FTO: variants seen among roughly 807,000 people sequenced by gnomAD.
FTO encodes alpha-ketoglutarate-dependent dioxygenase FTO.
A neutral mutation model predicts 63.9 loss-of-function variants in FTO; 47 were observed. The observed-to-expected ratio is 0.74, with a 90% CI of 0.58 to 0.94. The LOEUF (loss-of-function observed/expected upper bound fraction) is 0.94. Among genes scored for constraint, FTO ranks in the 40% least tolerant of loss-of-function variants. The pLI is 0.00. For synonymous variants in FTO, 207 were observed against 224.4 expected, an observed-to-expected ratio of 0.92 and a Z score of 0.69; for missense variants, 562 against 618.1, an observed-to-expected ratio of 0.91 and a Z score of 0.96.
intron 8 of FTO, among the ~76,000 whole-genome samples, chr16:54,014,407 CTT>C (rs1327923504): frequency 1.3e-5 from 2 of 152,038 alleles, no homozygotes; most frequent in Non-Finnish European, 2.9e-5. Flanking sequence ...CTCTCTCTCT[CTT>C]GCTTCCTTTC....
At chr16:54,033,811 G>C (rs1375500255) in intron 8 of FTO, among the ~76,000 whole-genome samples, 2 of 152,034 alleles carry the variant, frequency 1.3e-5, no homozygotes, top group Non-Finnish European at 2.9e-5. Context: ...GCAAGACCCA[G>C]TCTCTTAAAA....
intron 8 of FTO, among the ~76,000 whole-genome samples, chr16:54,107,124 T>G (rs1300603614): frequency 6.7e-6 from 1 of 149,722 alleles, no homozygotes; most frequent in Non-Finnish European, 1.5e-5. Context: ...ATATAAAGCA[T>G]ATGTTTACAA....
chr16:53,894,068 GAC>G (rs2081219312), intron 7 of FTO, among the ~76,000 whole-genome samples: 1 of 152,222 alleles, frequency 6.6e-6, no homozygotes, highest in African/African-American at 2.4e-5. Context: ...GGAGAGCAGA[GAC>G]ATGTGGAAAA....
chr16:54,065,010 C>T (rs1038208018), intron 8 of FTO, among the ~76,000 whole-genome samples: 8 of 152,142 alleles, frequency 5.3e-5, no homozygotes, highest in Non-Finnish European at 1.0e-4. Flanking sequence ...TGGTCTGGCC[C>T]CCACCCGCCT....
chr16:53,962,452 A>G (rs1567477428), intron 8 of FTO, among the ~76,000 whole-genome samples: 1 of 152,196 alleles, frequency 6.6e-6, no homozygotes, highest in Non-Finnish European at 1.5e-5. Flanking sequence ...CCCTACTAGG[A>G]AACAGTAGGC....
chr16:54,014,354 T>C (rs1472340707), intron 8 of FTO, among the ~76,000 whole-genome samples: 5 of 152,116 alleles, frequency 3.3e-5, no homozygotes, highest in Non-Finnish European at 7.3e-5. Context: ...CTATTAGTTT[T>C]TGTGAGAGCT....
At chr16:53,809,235 T>G (rs1019489141) in intron 1 of FTO, among the ~76,000 whole-genome samples, 2 of 152,132 alleles carry the variant, frequency 1.3e-5, no homozygotes, top group African/African-American at 4.8e-5. Flanking sequence ...CTTCATGGAA[T>G]TGGAAAAGAG....
chr16:53,865,213 G>A (rs181236619), intron 4 of FTO, among the ~76,000 whole-genome samples: 1 of 152,202 alleles, frequency 6.6e-6, no homozygotes, highest in Non-Finnish European at 1.5e-5. Context: ...TTTATCCTGG[G>A]AAGCCCCCTT....
intron 7 of FTO, among the ~76,000 whole-genome samples, chr16:53,930,383 C>G (rs1479258319): frequency 6.6e-6 from 1 of 151,594 alleles, no homozygotes; most frequent in African/African-American, 2.4e-5. Context: ...GCCACCACGC[C>G]CGGCTAATTT....
intron 1 of FTO, among the ~76,000 whole-genome samples, chr16:53,735,299 C>T (rs1306346400): frequency 6.6e-6 from 1 of 152,182 alleles, no homozygotes; most frequent in Admixed American, 6.5e-5. Context: ...TATTGCTAGA[C>T]ACAGGAGATA....
chr16:53,962,113 A>G (rs1355397698), intron 8 of FTO, among the ~76,000 whole-genome samples: 1 of 152,196 alleles, frequency 6.6e-6, no homozygotes, highest in Non-Finnish European at 1.5e-5. Context: ...TTTTCAATAT[A>G]AACCATATTC....
At chr16:54,089,790 A>G (rs1394603009) in intron 8 of FTO, among the ~76,000 whole-genome samples, 2 of 152,104 alleles carry the variant, frequency 1.3e-5, no homozygotes. Flanking sequence ...GATCCTTAAC[A>G]TCATTAGTCA....
chr16:53,803,242 A>G (rs951279187), intron 1 of FTO, among the ~76,000 whole-genome samples: 15 of 152,240 alleles, frequency 9.9e-5, no homozygotes, highest in Admixed American at 7.9e-4. Context: ...GCATTTAATT[A>G]GAAAGGAACA....
chr16:53,900,418 C>T lies in FTO; in HGVS notation c.1239+11467C>T, dbSNP rs151181098. Among the ~76,000 whole-genome samples, 10 of 152,096 alleles carry T rather than the reference C, an allele frequency of 6.6e-5. No homozygotes were observed. The East Asian group carries it at 1.2e-3, about 18-fold the overall frequency. ...GCAATGTGTTAAGACTCTTGGTTTC[C>T]GTCTTTTAAATCTGAAAATTCAGAA... On this transcript the variant is annotated intron_variant, in intron 7 of 8. Coordinates refer to ENST00000471389, the MANE Select transcript of FTO (RefSeq NM_001080432.3).
chr16:54,099,099 C>T (rs74019729), intron 8 of FTO, among the ~76,000 whole-genome samples: 4,383 of 152,132 alleles, frequency 0.029, 205 homozygotes, highest in African/African-American at 0.1. Context: ...CAGAGGACAG[C>T]GGAGAGACCG....
chr16:53,842,995 A>G (rs1255003482), intron 3 of FTO, among the ~76,000 whole-genome samples: 1 of 152,146 alleles, frequency 6.6e-6, no homozygotes, highest in Non-Finnish European at 1.5e-5. Flanking sequence ...TTTCTATATG[A>G]GTATAGCCTA....
At chr16:54,049,117 TTAGA>T (rs1234360773) in intron 8 of FTO, among the ~76,000 whole-genome samples, 29 of 152,264 alleles carry the variant, frequency 1.9e-4, no homozygotes, top group Admixed American at 1.8e-3. Context: ...AGAAAGGTAC[TTAGA>T]TAAAGAAACC....
At position 54,112,348 on chromosome 16, in the gene FTO, G is replaced by T. The variant is rs977664921; in HGVS notation, c.*433G>T. On this transcript the variant is annotated 3_prime_UTR_variant, in exon 9 of 9. Coordinates refer to ENST00000471389, the MANE Select transcript of FTO (RefSeq NM_001080432.3). ...CCACACCCATAGTGCTGTCCAATAT[G>T]GTAGCCACTAGCTAGCTGTGGCTAC... The T allele has an allele frequency of 1.5e-5, 3 of 202,918 alleles. No homozygotes were observed. The highest frequency in any genetic ancestry group is 5.3e-5 in the Admixed American group (1 of 18,806). 12.6% of individuals were successfully genotyped at this position (202,918 alleles called of 1,614,324 possible).
At chr16:53,798,550 CTTCAAT>C (rs2078139566) in intron 1 of FTO, among the ~76,000 whole-genome samples, 1 of 152,064 alleles carries the variant, frequency 6.6e-6, no homozygotes, top group South Asian at 2.1e-4. Flanking sequence ...TTTAAAAAAA[CTTCAAT>C]TTCAGATTGT....
Sources: allele counts gnomAD v4.1 joint callset (sites outside exome capture counted in the v4.1 genomes callset), GRCh38; gene constraint gnomAD v4.1.1; transcripts MANE v1.5; gene names NCBI Gene and HGNC (gene_info 2026-07-23, HGNC 2026-07-21).